The following JADE2 variants were observed in gnomAD, a reference collection of about 807,000 sequenced individuals.
JADE2 encodes jade family PHD finger 2.
In JADE2, 13 loss-of-function variants were observed where a neutral mutation model predicts 85.7. The ratio of observed to expected loss-of-function variants is 0.15; its 90% confidence interval spans 0.10 to 0.24. The LOEUF (loss-of-function observed/expected upper bound fraction) is 0.24. JADE2 is among the 10% of genes least tolerant of loss of function. The probability of loss-of-function intolerance (pLI) is 1.00; values close to 1 mark genes in which losing one functional copy is unlikely to be tolerated. For synonymous variants in JADE2, 440 were observed against 456.1 expected (o/e 0.96, Z 0.45); for missense variants, 846 against 1,115.9 (o/e 0.76, Z 3.45).
chr5:134,547,730 C>T (rs1476019643), intron 3 of JADE2, among the ~76,000 whole-genome samples: 1 of 152,194 alleles, frequency 6.6e-6, no homozygotes, highest in Non-Finnish European at 1.5e-5. Flanking sequence ...GGACAGCAAC[C>T]AAAGAAGGAG....
chr5:134,529,876 C>T (rs1761117884), intron 1 of JADE2, among the ~76,000 whole-genome samples: 1 of 152,210 alleles, frequency 6.6e-6, no homozygotes, highest in South Asian at 2.1e-4. Context: ...CCCACCATCC[C>T]CTTGGTACGT....
At chr5:134,559,208 A>G (rs146619802) in intron 4 of JADE2, among the ~76,000 whole-genome samples, 8 of 152,268 alleles carry the variant, frequency 5.3e-5, no homozygotes, top group Non-Finnish European at 8.8e-5. Context: ...CAGCCGTGTA[A>G]CCAGGTAGGG....
At chr5:134,561,818 T>G (rs1763340630) in intron 6 of JADE2, among the ~76,000 whole-genome samples, 2 of 152,306 alleles carry the variant, frequency 1.3e-5, no homozygotes, top group South Asian at 4.1e-4. Flanking sequence ...GTAAGAAATA[T>G]GAGGGCTCTG....
rs758091254 is a variant in JADE2 at position 134,552,212 on chromosome 5, G to A, written c.311+3G>A. On this transcript the variant is annotated splice_donor_region_variant and intron_variant, in intron 4 of 11. Coordinates refer to ENST00000681547, the MANE Select transcript of JADE2 (RefSeq NM_001388185.1). ...GCCATCCCAGAGCCCGTGGTGAGGT[G>A]AGCCAGGCAGCCCAGGCTAGGGGGC... 15 of 1,612,738 alleles carry A rather than the reference G, an allele frequency of 9.3e-6. No homozygotes were observed. Among genetic ancestry groups the A allele is most frequent in the South Asian group, 8.8e-5 (8 of 91,000 alleles).
intron 4 of JADE2, among the ~76,000 whole-genome samples, chr5:134,558,977 C>T (rs1394754777): frequency 6.6e-6 from 1 of 152,228 alleles, no homozygotes; most frequent in Non-Finnish European, 1.5e-5. Flanking sequence ...CTCCAAGCTG[C>T]CTCAGCGGCA....
chr5:134,526,129 T>C, intron 1 of JADE2, 118 bp downstream of exon 1: 1 of 985,184 alleles, frequency 1.0e-6, no homozygotes, highest in Non-Finnish European at 1.2e-6. Flanking sequence ...GCTCGCTCCC[T>C]CTCTCTCCTG....
chr5:134,574,508 C>A (rs1326384192), intron 10 of JADE2: 1 of 152,396 alleles, frequency 6.6e-6, no homozygotes, highest in Non-Finnish European at 1.5e-5. Flanking sequence ...CCAGGGTCTG[C>A]CAATGCCACT....
In JADE2 at chr5:134,557,288, T is replaced by A. The variant is rs1561747236; in HGVS notation, c.312-2542T>A. 8.6e-5 allele frequency among the ~76,000 whole-genome samples: 13 copies of A among 151,502 alleles called. No homozygotes were observed. In the South Asian group the frequency reaches 1.7e-3, roughly 19 times the overall value. ...TTTTTATTTTTTTTTTTATTTTTTT[T>A]TTTTTCAGACAGAACCCATGCTCTT... On this transcript the variant is annotated intron_variant, in intron 4 of 11. Transcript: ENST00000681547.
At chr5:134,556,906 A>G (rs900008151) in intron 4 of JADE2, among the ~76,000 whole-genome samples, 2 of 143,032 alleles carry the variant, frequency 1.4e-5, no homozygotes, top group Admixed American at 7.0e-5. Context: ...CACACATACC[A>G]CATGCACACA....
chr5:134,566,600 G>A lies in JADE2; in HGVS notation c.1434+20G>A. 1 of 1,505,974 alleles carries A rather than the reference G, an allele frequency of 6.6e-7. No individual in the cohort carries two copies. Among genetic ancestry groups the A allele is most frequent in the South Asian group, 1.2e-5 (1 of 80,390 alleles). The allele number at this position is 1,505,974 out of a possible 1,614,324, so 93.3% of individuals were successfully genotyped here. A position where few individuals can be genotyped will look rare whatever the true frequency, so the allele number is the denominator to read the frequency against. ...GAGAGGGTGAGTCCCCATGCCGCCT[G>A]CCCACCCCCTGCCTGGTGGGTCCAG... On this transcript the variant is annotated intron_variant, in intron 9 of 11. Transcript: ENST00000681547. This position sits in a 1 kb window ranked among gnomAD's most constrained non-coding sequence, Gnocchi z 6.7.
At position 134,557,532 on chromosome 5, in the gene JADE2, C is replaced by G. The variant is rs868115472; in HGVS notation, c.312-2298C>G. On this transcript the variant is annotated intron_variant, in intron 4 of 11. Coordinates refer to ENST00000681547, the MANE Select transcript of JADE2 (RefSeq NM_001388185.1). ...TCTCCCAATGCTATCCCTCCCCCCT[C>G]CCCCGAACCCACCACAGTCCCCAGA... Among the ~76,000 whole-genome samples the G allele has an allele frequency of 6.9e-4, 60 of 86,892 alleles. No homozygotes were observed. In the Middle Eastern group the frequency reaches 0.017, roughly 25 times the overall value. The allele number at this position is 86,892 out of a possible 152,430, so 57.0% of individuals were successfully genotyped here.
At chr5:134,530,624 T>C (rs1761172350) in intron 1 of JADE2, among the ~76,000 whole-genome samples, 1 of 152,154 alleles carries the variant, frequency 6.6e-6, no homozygotes, top group Admixed American at 6.5e-5. Context: ...GGGGCTGGCA[T>C]TGGGCATTGG....
chr5:134,570,476 T>C (rs1023733641), intron 9 of JADE2, among the ~76,000 whole-genome samples: 1 of 152,142 alleles, frequency 6.6e-6, no homozygotes, highest in African/African-American at 2.4e-5. Context: ...CCTATTTCCC[T>C]CTAGTCGTGG....
chr5:134,531,332 G>T (rs994345046), intron 1 of JADE2, among the ~76,000 whole-genome samples: 1 of 152,204 alleles, frequency 6.6e-6, no homozygotes, highest in Non-Finnish European at 1.5e-5. Flanking sequence ...GCCAGATTGT[G>T]TAGGGTCTTG....
At chr5:134,541,969 TC>T (rs1345155710) in intron 3 of JADE2, among the ~76,000 whole-genome samples, 3 of 152,238 alleles carry the variant, frequency 2.0e-5, no homozygotes, top group Non-Finnish European at 2.9e-5. Flanking sequence ...GGCTGGCCCT[TC>T]CCTCAGCCAG....
chr5:134,569,365 G>A (rs577224650), intron 9 of JADE2, among the ~76,000 whole-genome samples: 1 of 152,348 alleles, frequency 6.6e-6, no homozygotes, highest in East Asian at 1.9e-4. Context: ...AGAAACAGGA[G>A]CCGGGGCTGC....
chr5:134,566,652 C>A lies in JADE2; in HGVS notation c.1434+72C>A. 1 of 1,152,780 alleles carries A rather than the reference C, an allele frequency of 8.7e-7. No individual in the cohort carries two copies. The highest frequency in any genetic ancestry group is 1.2e-6 in the Non-Finnish European group (1 of 823,282). 71.4% of individuals were successfully genotyped at this position (1,152,780 alleles called of 1,614,324 possible). On this transcript the variant is annotated intron_variant, in intron 9 of 11. Transcript: ENST00000681547. This position sits in a 1 kb window ranked among gnomAD's most constrained non-coding sequence, Gnocchi z 6.7. ...AGTCCTTTCCATGCCACACTCACTG[C>A]CCTGGAGCAGCTAGGACTCACCAGG...
intron 1 of JADE2, among the ~76,000 whole-genome samples, chr5:134,532,691 C>G (rs1374002372): frequency 6.6e-6 from 1 of 152,084 alleles, no homozygotes; most frequent in Non-Finnish European, 1.5e-5. Context: ...ATCTAAGCAC[C>G]TCCACCCCCC....
At chr5:134,547,474 C>T (rs1317214062) in intron 3 of JADE2, among the ~76,000 whole-genome samples, 3 of 152,206 alleles carry the variant, frequency 2.0e-5, no homozygotes, top group Non-Finnish European at 2.9e-5. Context: ...GCTTGTTTTC[C>T]AGCTTCCAAC....
Sources: gnomAD v4.1 joint callset for allele counts (sites outside exome capture counted in the v4.1 genomes callset) on GRCh38, gnomAD v4.1.1 for gene constraint, Gnocchi (gnomAD v3.1) non-coding constraint, MANE v1.5 for transcripts, NCBI Gene and HGNC (gene_info 2026-07-23, HGNC 2026-07-21) for gene names.